Variants in PPARGC1A observed in about 807,000 individuals in gnomAD.
PPARGC1A encodes the protein PPARG coactivator 1 alpha, also known as peroxisome proliferator-activated receptor gamma coactivator 1-alpha.
In PPARGC1A, 25 loss-of-function variants were observed where a neutral mutation model predicts 88.7. The ratio of observed to expected loss-of-function variants is 0.28; its 90% CI spans 0.21 to 0.39. PPARGC1A has a LOEUF of 0.39. Among genes scored for constraint, PPARGC1A ranks in the 10% least tolerant of loss-of-function variants. PPARGC1A has a pLI of 1.00. For synonymous variants in PPARGC1A, 363 were observed against 355.6 expected (o/e 1.02, Z -0.24); for missense variants, 880 against 968.7 (o/e 0.91, Z 1.22).
chr4:24,271,228 C>CCCTT, the PPARGC1A span, among the ~76,000 whole-genome samples: 1 of 152,104 alleles, frequency 6.6e-6, no homozygotes, highest in Admixed American at 6.6e-5. Flanking sequence ...GAACTGGCAG[C>CCCTT]CCTTCCATGC....
At chr4:23,916,418 A>G in the PPARGC1A span, among the ~76,000 whole-genome samples, 1 of 152,202 alleles carries the variant, frequency 6.6e-6, no homozygotes, top group African/African-American at 2.4e-5. Flanking sequence ...AAACAATGAG[A>G]ACCACCATTA....
the PPARGC1A span, among the ~76,000 whole-genome samples, chr4:23,946,850 G>T: frequency 2.7e-4 from 41 of 151,504 alleles, no homozygotes; most frequent in Non-Finnish European, 1.2e-4. Flanking sequence ...ACACATACAT[G>T]TATGTAACCA....
At chr4:23,852,138 AC>A (rs1560445164) in intron 2 of PPARGC1A, among the ~76,000 whole-genome samples, 2 of 152,172 alleles carry the variant, frequency 1.3e-5, no homozygotes, top group South Asian at 2.1e-4. Flanking sequence ...GCAGACCACA[AC>A]ATTTTGAATT....
At chr4:24,020,862 C>G in the PPARGC1A span, among the ~76,000 whole-genome samples, 1 of 152,200 alleles carries the variant, frequency 6.6e-6, no homozygotes, top group Non-Finnish European at 1.5e-5. Flanking sequence ...CGTGAAATAC[C>G]TGTTTCTCTT....
At chr4:23,959,376 T>C in the PPARGC1A span, among the ~76,000 whole-genome samples, 3 of 152,278 alleles carry the variant, frequency 2.0e-5, no homozygotes, top group African/African-American at 4.8e-5. Flanking sequence ...CCCTCTTGCA[T>C]ATTTCAGTAC....
At chr4:23,904,054 G>A (rs993727893), upstream of PPARGC1A, 10 of 982,898 alleles carry the variant, frequency 1.0e-5, no homozygotes, top group East Asian at 5.7e-4. Flanking sequence ...TTACTGCAGT[G>A]CAAATACTGG....
chr4:24,275,452 T>G, the PPARGC1A span, among the ~76,000 whole-genome samples: 1 of 152,070 alleles, frequency 6.6e-6, no homozygotes, highest in South Asian at 2.1e-4. Flanking sequence ...AAGCAAAATA[T>G]CTGGAAAAAT....
the PPARGC1A span, among the ~76,000 whole-genome samples, chr4:24,268,885 T>C: frequency 6.6e-6 from 1 of 152,352 alleles, no homozygotes; most frequent in Admixed American, 6.5e-5. Flanking sequence ...GAGTTCCTAC[T>C]ATATCGAGTA....
At chr4:24,215,487 C>A in the PPARGC1A span, among the ~76,000 whole-genome samples, 39 of 152,194 alleles carry the variant, frequency 2.6e-4, 1 homozygote, top group Middle Eastern at 0.024. Flanking sequence ...GTGAATCCTG[C>A]CTTTGCTAAT....
intron 2 of PPARGC1A, among the ~76,000 whole-genome samples, chr4:23,855,744 A>G (rs946672633): frequency 6.6e-6 from 1 of 152,148 alleles, no homozygotes; most frequent in African/African-American, 2.4e-5. Context: ...AAATCCTGGG[A>G]GAATGTAAAG....
the PPARGC1A span, among the ~76,000 whole-genome samples, chr4:24,151,202 T>C: frequency 2.0e-5 from 3 of 152,208 alleles, no homozygotes; most frequent in South Asian, 6.2e-4. Flanking sequence ...CCTAGTGTCT[T>C]AGTGTACACA....
chr4:24,014,525 G>T, the PPARGC1A span, among the ~76,000 whole-genome samples: 3 of 152,106 alleles, frequency 2.0e-5, no homozygotes, highest in Non-Finnish European at 4.4e-5. Context: ...TCACGGCCTT[G>T]CAAGTCTACA....
the PPARGC1A span, among the ~76,000 whole-genome samples, chr4:24,083,084 C>A: frequency 6.6e-6 from 1 of 152,130 alleles, no homozygotes; most frequent in Non-Finnish European, 1.5e-5. Context: ...TTATATATGG[C>A]CACTTGATTT....
intron 2 of PPARGC1A, among the ~76,000 whole-genome samples, chr4:23,861,249 T>C (rs1731180319): frequency 6.6e-6 from 1 of 152,200 alleles, no homozygotes; most frequent in South Asian, 2.1e-4. Context: ...ACCTGTATTA[T>C]TCGAAACAAA....
chr4:24,300,385 A>ACATGATAT, the PPARGC1A span, among the ~76,000 whole-genome samples: 346 of 106,552 alleles, frequency 3.2e-3, 2 homozygotes, highest in Middle Eastern at 0.036. Flanking sequence ...TTAAAAACTT[A>ACATGATAT]CATGATATAG....
the PPARGC1A span, among the ~76,000 whole-genome samples, chr4:24,052,854 ATTTTTTTTTTTT>A: frequency 5.8e-4 from 38 of 65,806 alleles, 1 homozygote; most frequent in African/African-American, 2.2e-3. Context: ...GCGTACGCAG[ATTTTTTTTTTTT>A]TTTTTTTTTT....
chr4:24,421,457 C>T, the PPARGC1A span, among the ~76,000 whole-genome samples: 1 of 151,936 alleles, frequency 6.6e-6, no homozygotes, highest in Non-Finnish European at 1.5e-5. Flanking sequence ...ACTACAGGCG[C>T]CCGCCATCAA....
chr4:24,135,792 A>G, the PPARGC1A span, among the ~76,000 whole-genome samples: 3 of 152,188 alleles, frequency 2.0e-5, no homozygotes, highest in African/African-American at 7.2e-5. Context: ...ATTGCACACA[A>G]CATGGTGCAG....
At chr4:24,377,988 AC>A in the PPARGC1A span, among the ~76,000 whole-genome samples, 2 of 152,204 alleles carry the variant, frequency 1.3e-5, no homozygotes, top group Non-Finnish European at 2.9e-5. Context: ...TCTGTAATTT[AC>A]GATTGCTTCA....
Sources: allele counts gnomAD v4.1 joint callset (sites outside exome capture counted in the v4.1 genomes callset), GRCh38; gene constraint gnomAD v4.1.1; transcripts MANE v1.5; gene names NCBI Gene and HGNC (gene_info 2026-07-23, HGNC 2026-07-21).